Variants in PRKACB observed in about 807,000 individuals in gnomAD.
PRKACB encodes the protein cAMP-dependent protein kinase catalytic subunit beta.
Under a neutral mutation model 51.4 loss-of-function variants are expected in PRKACB, and 16 were observed. The ratio of observed to expected loss-of-function variants is 0.31; its 90% confidence interval spans 0.21 to 0.47. The LOEUF (loss-of-function observed/expected upper bound fraction) is 0.47, where lower values mean the gene tolerates loss of function less well. Among genes scored for constraint, PRKACB ranks in the 20% least tolerant of loss-of-function variants. PRKACB has a pLI of 1.00. For missense variants in PRKACB, 309 were observed against 464.5 expected, an observed-to-expected ratio of 0.67 and a Z score of 3.08; for synonymous variants, 147 against 154.4, an observed-to-expected ratio of 0.95 and a Z score of 0.35.
At chr1:84,179,322 G>A in intron 2 of PRKACB, 84 bp downstream of exon 2, 1 of 1,398,884 alleles carries the variant, frequency 7.1e-7, no homozygotes, top group Non-Finnish European at 9.4e-7. Context: ...TATTACTTTA[G>A]AAATTTTAAT....
At chr1:84,127,015 A>G (rs1020192367) in intron 1 of PRKACB, among the ~76,000 whole-genome samples, 3 of 152,218 alleles carry the variant, frequency 2.0e-5, no homozygotes, top group Non-Finnish European at 4.4e-5. Flanking sequence ...TTCTCTTCCT[A>G]GTAGTCATAC....
intron 1 of PRKACB, among the ~76,000 whole-genome samples, chr1:84,124,742 G>A (rs1045460606): frequency 6.6e-6 from 1 of 152,124 alleles, no homozygotes; most frequent in Admixed American, 6.5e-5. Context: ...GTGGTTGAGG[G>A]AAGAAGTTTC....
In PRKACB at chr1:84,215,572, G is replaced by A. The variant is rs909136443; in HGVS notation, c.1071+1255G>A. 4.6e-5 allele frequency among the ~76,000 whole-genome samples: 7 copies of A among 152,074 alleles called. No individual in the cohort carries two copies. The East Asian group carries it at 5.8e-4, about 13-fold the overall frequency. On this transcript the variant is annotated intron_variant, in intron 9 of 9. Transcript: ENST00000370685. ...AATATAAGTATAGATCAAGTTAATCGCTGGCATTATTATACCACCATAATA... is the reference window on the plus strand; with the variant it reads ...AATATAAGTATAGATCAAGTTAATCACTGGCATTATTATACCACCATAATA...
At chr1:84,134,036 T>C (rs999577135) in intron 1 of PRKACB, among the ~76,000 whole-genome samples, 2 of 152,080 alleles carry the variant, frequency 1.3e-5, no homozygotes, top group Non-Finnish European at 2.9e-5. Flanking sequence ...GAAAGGGAGC[T>C]GGAAAGAGGA....
At chr1:84,217,599 G>A (rs1212767544) in intron 9 of PRKACB, among the ~76,000 whole-genome samples, 5 of 152,144 alleles carry the variant, frequency 3.3e-5, no homozygotes, top group African/African-American at 9.7e-5. Flanking sequence ...TTCAAGACTA[G>A]ATGGGCAACA....
chr1:84,136,740 T>C (rs555346108), intron 1 of PRKACB, among the ~76,000 whole-genome samples: 1 of 152,168 alleles, frequency 6.6e-6, no homozygotes, highest in African/African-American at 2.4e-5. Context: ...AACTGCACAT[T>C]ATAGCTTCCT....
At chr1:84,231,678 A>G (rs1213972135) in intron 9 of PRKACB, among the ~76,000 whole-genome samples, 1 of 151,940 alleles carries the variant, frequency 6.6e-6, no homozygotes, top group Non-Finnish European at 1.5e-5. Flanking sequence ...GAATTTATCC[A>G]TTTCTTCTAG....
chr1:84,165,017 A>G, intron 1 of PRKACB: 1 of 1,531,194 alleles, frequency 6.5e-7, no homozygotes, highest in Non-Finnish European at 8.8e-7. Context: ...ATGAGTGGTA[A>G]GTATGCTCTC....
intron 7 of PRKACB, among the ~76,000 whole-genome samples, chr1:84,198,923 GTATA>G (rs1669014393): frequency 6.9e-6 from 1 of 144,396 alleles, no homozygotes; most frequent in African/African-American, 2.6e-5. Flanking sequence ...TGGTGTGTGT[GTATA>G]TATGTATATG....
At chr1:84,117,529 G>GT (rs1343099596) in intron 1 of PRKACB, among the ~76,000 whole-genome samples, 1 of 152,006 alleles carries the variant, frequency 6.6e-6, no homozygotes, top group African/African-American at 2.4e-5. Context: ...TTTCATGTTA[G>GT]TAAGTTGTAT....
intron 7 of PRKACB, 74 bp from the exon 8 acceptor site, chr1:84,202,609 T>C (rs1670448172): frequency 1.3e-5 from 19 of 1,446,324 alleles, no homozygotes; most frequent in Non-Finnish European, 1.7e-5. Context: ...CCAGATCATT[T>C]TGAAATTATC....
intron 1 of PRKACB, among the ~76,000 whole-genome samples, chr1:84,174,693 T>C (rs1169456594): frequency 6.6e-6 from 1 of 151,926 alleles, no homozygotes; most frequent in East Asian, 1.9e-4. Flanking sequence ...ATAACAGAAC[T>C]CCAGAGATGG....
chr1:84,148,449 C>T (rs1434210932), intron 1 of PRKACB, among the ~76,000 whole-genome samples: 1 of 147,344 alleles, frequency 6.8e-6, no homozygotes, highest in African/African-American at 2.5e-5. Flanking sequence ...GTATCTGTCT[C>T]TCATGTTTGA....
chr1:84,085,905 C>A (rs767382042), intron 1 of PRKACB: 4 of 651,926 alleles, frequency 6.1e-6, no homozygotes, highest in Non-Finnish European at 1.1e-5. Context: ...TATACACCAC[C>A]AGCATCTCCT....
chr1:84,175,703 A>G, intron 1 of PRKACB: 1 of 1,128,700 alleles, frequency 8.9e-7, no homozygotes, highest in Admixed American at 3.0e-5. Context: ...TGTTTTTATG[A>G]ACTTGTGAAA....
intron 1 of PRKACB, chr1:84,164,616 C>G (rs1656803499): frequency 1.5e-6 from 2 of 1,373,038 alleles, no homozygotes; most frequent in Non-Finnish European, 9.6e-7. Flanking sequence ...TAATTCTGGT[C>G]TAATGTTGCC....
At chr1:84,210,670 A>G (rs1206823779) in intron 8 of PRKACB, among the ~76,000 whole-genome samples, 1 of 152,132 alleles carries the variant, frequency 6.6e-6, no homozygotes, top group Non-Finnish European at 1.5e-5. Flanking sequence ...GATAAAAGTA[A>G]TACCCTTTTG....
chr1:84,220,567 C>T (rs983805822), intron 9 of PRKACB, among the ~76,000 whole-genome samples: 2 of 152,112 alleles, frequency 1.3e-5, no homozygotes, highest in Non-Finnish European at 2.9e-5. Context: ...AGTATGTTAG[C>T]TGTGAGTTTG....
intron 1 of PRKACB, among the ~76,000 whole-genome samples, chr1:84,146,593 T>G (rs78788513): frequency 0.015 from 2,277 of 152,120 alleles, 28 homozygotes; most frequent in Admixed American, 0.022. Flanking sequence ...CTTGCATGAC[T>G]CATTTGACAA....
Sources: gnomAD v4.1 joint callset for allele counts (sites outside exome capture counted in the v4.1 genomes callset) on GRCh38, gnomAD v4.1.1 for gene constraint, MANE v1.5 for transcripts, NCBI Gene and HGNC (gene_info 2026-07-23, HGNC 2026-07-21) for gene names.